The following CHST8 variants were observed in gnomAD, a reference collection of about 807,000 sequenced individuals.
CHST8 encodes the protein carbohydrate sulfotransferase 8, also known as GALNAC-4-ST1.
In CHST8, 10 loss-of-function variants were observed where a neutral mutation model predicts 15.0. That is an observed-to-expected ratio of 0.67 (90% CI 0.41 to 1.13). The LOEUF (loss-of-function observed/expected upper bound fraction) is 1.13, where lower values mean the gene tolerates loss of function less well. CHST8 is among the 50% of genes most tolerant of loss of function. The pLI is 0.00. For synonymous variants in CHST8, 259 were observed against 256.6 expected (o/e 1.01, Z -0.09); for missense variants, 634 against 608.2 (o/e 1.04, Z -0.45).
chr19:33,742,142 T>TG (rs1199175038), intron 3 of CHST8, among the ~76,000 whole-genome samples: 1 of 152,210 alleles, frequency 6.6e-6, no homozygotes, highest in Non-Finnish European at 1.5e-5. Flanking sequence ...TGGGTCCTGT[T>TG]GGGGAAAGAC....
intron 3 of CHST8, among the ~76,000 whole-genome samples, chr19:33,729,683 G>A (rs1413063253): frequency 6.6e-6 from 1 of 152,164 alleles, no homozygotes; most frequent in African/African-American, 2.4e-5. Flanking sequence ...ACCCAAACCT[G>A]GTTGCAACAG....
At chr19:33,665,992 T>C (rs1972653894) in intron 1 of CHST8, among the ~76,000 whole-genome samples, 2 of 152,216 alleles carry the variant, frequency 1.3e-5, no homozygotes, top group Admixed American at 1.3e-4. Context: ...GGCCTCTGGC[T>C]CCGGGACGGG....
At chr19:33,665,836 C>T (rs1023774087) in intron 1 of CHST8, among the ~76,000 whole-genome samples, 2 of 152,134 alleles carry the variant, frequency 1.3e-5, no homozygotes, top group African/African-American at 4.8e-5. Context: ...CAGTGGGCAT[C>T]CGGGAAAGTG....
chr19:33,765,070 A>ATATATATATATATATATATATATGTATG lies in CHST8; in HGVS notation c.131-6340_131-6339insATATATATATATATATATATGTATGTAT, dbSNP rs71181381. Among the ~76,000 whole-genome samples, 200 of 113,126 alleles carry ATATATATATATATATATATATATGTATG rather than the reference A, an allele frequency of 1.8e-3. 17 individuals carry two copies. The highest frequency in any genetic ancestry group is 6.8e-3 in the African/African-American group (161 of 23,786). The allele number at this position is 113,126 out of a possible 152,430, so 74.2% of individuals were successfully genotyped here. On this transcript the variant is annotated intron_variant, in intron 3 of 4. Coordinates refer to ENST00000650847, the MANE Select transcript of CHST8 (RefSeq NM_001127895.2). ...TATTCCATCATATATATATATATAT[A>ATATATATATATATATATATATATGTATG]TATCAGAGTTTCTTTATCCACTCGT... is the stretch of plus-strand genomic sequence containing the variant.
intron 1 of CHST8, among the ~76,000 whole-genome samples, chr19:33,623,712 C>G (rs931753170): frequency 1.1e-4 from 16 of 152,272 alleles, no homozygotes; most frequent in South Asian, 4.1e-4. Flanking sequence ...TTAACATTTT[C>G]CAGCTGTCAT....
chr19:33,710,272 T>G (rs1375584451), intron 3 of CHST8, among the ~76,000 whole-genome samples: 1 of 152,232 alleles, frequency 6.6e-6, no homozygotes, highest in Non-Finnish European at 1.5e-5. Flanking sequence ...TGTTGATCTT[T>G]TCAAAGAACC....
intron 2 of CHST8, among the ~76,000 whole-genome samples, chr19:33,673,592 G>GTT (rs1972771744): frequency 6.6e-6 from 1 of 151,986 alleles, no homozygotes. Context: ...GAGGACGTCT[G>GTT]TGTGTGTGTG....
At chr19:33,758,313 TAC>T (rs1460857319) in intron 3 of CHST8, among the ~76,000 whole-genome samples, 2 of 152,122 alleles carry the variant, frequency 1.3e-5, no homozygotes, top group East Asian at 1.9e-4. Flanking sequence ...CCCCTGTGGG[TAC>T]AGTCAGTGAC....
intron 1 of CHST8, among the ~76,000 whole-genome samples, chr19:33,623,513 A>G (rs1600220571): frequency 6.6e-6 from 1 of 152,274 alleles, no homozygotes; most frequent in South Asian, 2.1e-4. Context: ...ACAGAGGGGT[A>G]AGAGGCAGAT....
chr19:33,691,332 TG>T (rs1177977625), intron 3 of CHST8, among the ~76,000 whole-genome samples: 1 of 152,164 alleles, frequency 6.6e-6, no homozygotes, highest in Non-Finnish European at 1.5e-5. Context: ...GTGGGTCTTC[TG>T]ATGGTCCATG....
chr19:33,677,140 C>A (rs996869299), intron 2 of CHST8, among the ~76,000 whole-genome samples: 2 of 146,610 alleles, frequency 1.4e-5, no homozygotes, highest in Non-Finnish European at 3.0e-5. Context: ...TCCAGCAACC[C>A]CTTGTGTGAT....
chr19:33,738,068 T>TAAAGG (rs1974118765), intron 3 of CHST8, among the ~76,000 whole-genome samples: 3 of 152,228 alleles, frequency 2.0e-5, no homozygotes, highest in Non-Finnish European at 4.4e-5. Flanking sequence ...TTCCCATTCT[T>TAAAGG]GATGAGGATA....
intron 1 of CHST8, among the ~76,000 whole-genome samples, chr19:33,661,361 C>A (rs1600244022): frequency 6.6e-6 from 1 of 152,236 alleles, no homozygotes; most frequent in Admixed American, 6.5e-5. Flanking sequence ...TCAGTTCTCA[C>A]AACAAAGCCC....
At chr19:33,762,100 C>T (rs914800550) in intron 3 of CHST8, among the ~76,000 whole-genome samples, 1 of 152,182 alleles carries the variant, frequency 6.6e-6, no homozygotes, top group African/African-American at 2.4e-5. Flanking sequence ...TGATCCCATG[C>T]GACATGCACA....
intron 3 of CHST8, among the ~76,000 whole-genome samples, chr19:33,714,146 C>G (rs112170816): frequency 6.6e-6 from 1 of 152,066 alleles, no homozygotes; most frequent in Non-Finnish European, 1.5e-5. Context: ...GTTCCACTAC[C>G]GGGCTATCTA....
At chr19:33,765,500 C>T (rs879870578) in intron 3 of CHST8, among the ~76,000 whole-genome samples, 9 of 143,224 alleles carry the variant, frequency 6.3e-5, no homozygotes, top group Non-Finnish European at 1.1e-4. Flanking sequence ...AGGGTTTAGA[C>T]AAATGCCAGT....
At chr19:33,713,799 G>A (rs908325191) in intron 3 of CHST8, among the ~76,000 whole-genome samples, 10 of 152,070 alleles carry the variant, frequency 6.6e-5, no homozygotes, top group African/African-American at 2.4e-4. Context: ...GACTTCGAAC[G>A]GGCACCCGCC....
chr19:33,763,510 C>G (rs79339767), intron 3 of CHST8, among the ~76,000 whole-genome samples: 5,351 of 152,300 alleles, frequency 0.035, 293 homozygotes, highest in African/African-American at 0.12. Context: ...CACCTGGAAC[C>G]CCACGTACCT....
chr19:33,748,783 T>G (rs1974359945), intron 3 of CHST8, among the ~76,000 whole-genome samples: 1 of 152,160 alleles, frequency 6.6e-6, no homozygotes, highest in Admixed American at 6.5e-5. Flanking sequence ...TAGGAGGCTC[T>G]CACAGCTCAG....
Sources: gnomAD v4.1 joint callset for allele counts (sites outside exome capture counted in the v4.1 genomes callset) on GRCh38, gnomAD v4.1.1 for gene constraint, MANE v1.5 for transcripts, NCBI Gene and HGNC (gene_info 2026-07-23, HGNC 2026-07-21) for gene names.